Variants in CROCC observed in about 807,000 individuals in gnomAD.
The protein encoded by CROCC is ciliary rootlet coiled-coil, rootletin.
A neutral mutation model predicts 245.2 loss-of-function variants in CROCC; 180 were observed. The ratio of observed to expected loss-of-function variants is 0.73; its 90% CI spans 0.65 to 0.83. The LOEUF is 0.83. Ranked by LOEUF, CROCC falls within the 40% of genes least tolerant of loss-of-function variation. The probability of loss-of-function intolerance (pLI) is 0.00; values close to 1 mark genes in which losing one functional copy is unlikely to be tolerated. For synonymous variants in CROCC, 1,205 were observed against 1,241.6 expected (o/e 0.97, Z 0.62); for missense variants, 2,688 against 2,779.4 (o/e 0.97, Z 0.74).
chr1:16,970,505 T>A, intron 34 of CROCC, 52 bp downstream of exon 34: 1 of 1,502,620 alleles, frequency 6.7e-7, no homozygotes, highest in Non-Finnish European at 8.9e-7. Context: ...CTAACCGTGG[T>A]GGATCCCACT....
Position 16,954,485 on chromosome 1 carries a change from C to CTAAA in CROCC, c.3321+128_3321+129insTAAA. 7.4e-7 allele frequency: 1 copy of CTAAA among 1,352,732 alleles called. No individual in the cohort carries two copies. The highest frequency in any genetic ancestry group is 9.9e-7 in the Non-Finnish European group (1 of 1,007,324). The allele number at this position is 1,352,732 out of a possible 1,614,324, so 83.8% of individuals were successfully genotyped here. On this transcript the variant is annotated intron_variant, in intron 22 of 36. Transcript: ENST00000375541. This position sits in a 1 kb window ranked among gnomAD's most constrained non-coding sequence, Gnocchi z 4.4. Reference sequence around the variant, plus strand: ...CCAGGCTGTGGGAAAGGAGGTTTAGCCCTTCTTTTGGGAGCCCCCATCTGA... The same window carrying CTAAA: ...CCAGGCTGTGGGAAAGGAGGTTTAGCTAAACCTTCTTTTGGGAGCCCCCATCTGA...
At position 16,936,178 on chromosome 1, in the gene CROCC, T is replaced by A. The variant is rs528090070; in HGVS notation, c.957-459T>A. 3.3e-5 allele frequency among the ~76,000 whole-genome samples: 5 copies of A among 152,362 alleles called. No homozygotes were observed. In the East Asian group the frequency reaches 9.6e-4, roughly 29 times the overall value. ...TATGTTTCCCATGCTGGCCTCAAAC[T>A]CCTGGGCTCAAGCAATCCTGCCTCA... On this transcript the variant is annotated intron_variant, in intron 8 of 36. Coordinates refer to ENST00000375541, the MANE Select transcript of CROCC (RefSeq NM_014675.5).
At chr1:16,930,100 T>TCA in intron 4 of CROCC, 24 bp from the exon 5 acceptor site, 1 of 1,580,718 alleles carries the variant, frequency 6.3e-7, no homozygotes, top group South Asian at 1.2e-5. Context: ...CCCCTGGGGC[T>TCA]CACCATCAGC....
chr1:16,949,599 G>C (rs1055024227), intron 19 of CROCC, among the ~76,000 whole-genome samples: 2 of 152,188 alleles, frequency 1.3e-5, no homozygotes, highest in Admixed American at 1.3e-4. Flanking sequence ...ATGTGTAGCT[G>C]TGCAGCTGTG....
rs569001677 is a variant in CROCC, at chr1:16,923,663, T to C, written c.197-662T>C. Among the ~76,000 whole-genome samples the C allele has an allele frequency of 5.0e-3, 745 of 149,726 alleles. 1 individual carries two copies. The highest frequency in any genetic ancestry group is 0.017 in the African/African-American group (710 of 40,920). ...TGCTTTTCTGGGAGGATCTGGTTAC[T>C]ACTATTCTACCTTTTTTTTTTTTTT... On this transcript the variant is annotated intron_variant, in intron 2 of 36. Transcript: ENST00000375541.
intron 8 of CROCC, among the ~76,000 whole-genome samples, chr1:16,935,163 G>A (rs1246263751): frequency 1.3e-5 from 2 of 152,188 alleles, no homozygotes; most frequent in Non-Finnish European, 2.9e-5. Flanking sequence ...GCTTCGCAAA[G>A]TGCTGGGATT....
At chr1:16,914,464 C>G (rs1298088221) in intron 1 of CROCC, among the ~76,000 whole-genome samples, 2 of 152,274 alleles carry the variant, frequency 1.3e-5, no homozygotes, top group African/African-American at 4.8e-5. Context: ...TCGCGACGGC[C>G]TCTGCCCCCC....
At chr1:16,916,605 C>G (rs1181488731) in intron 1 of CROCC, among the ~76,000 whole-genome samples, 2 of 152,270 alleles carry the variant, frequency 1.3e-5, no homozygotes, top group Non-Finnish European at 1.5e-5. Flanking sequence ...CTTCCAGGCT[C>G]AAGCAATCCT....
intron 8 of CROCC, among the ~76,000 whole-genome samples, chr1:16,932,170 A>G (rs1283381643): frequency 1.3e-5 from 2 of 152,260 alleles, no homozygotes. Flanking sequence ...TAGGCTGGGC[A>G]CGGTGGCTCA....
At position 16,938,927 on chromosome 1, in the gene CROCC, G is replaced by C. The variant is rs1243702488; in HGVS notation, c.1393G>C (p.Glu465Gln). 1.2e-6 allele frequency: 2 copies of C among 1,603,032 alleles called. No homozygotes were observed. The highest frequency in any genetic ancestry group is 1.7e-6 in the Non-Finnish European group (2 of 1,177,084). ...DLAQAVLSDS[E>Q]SGVQLSGSER... is the part of the protein sequence containing the mutation. Reference sequence around the variant, plus strand: ...CCCTCAGGCCGTCTTGTCAGACTCTGAGAGCGGCGTCCAGCTGAGCGGCTC... The same window carrying C: ...CCCTCAGGCCGTCTTGTCAGACTCTCAGAGCGGCGTCCAGCTGAGCGGCTC... Residue 465 changes from glutamate (E) to glutamine (Q), a missense_variant, in exon 12 of 37, where the codon GAG (glutamate) becomes CAG (glutamine). By Grantham distance (29) the Glu-to-Gln change is conservative. Around this residue, in one of 9 missense-constraint regions of CROCC, gnomAD observed 972 missense variants for 895.3 expected, o/e 1.09. Coordinates refer to ENST00000375541, the MANE Select transcript of CROCC (RefSeq NM_014675.5).
At chr1:16,921,391 G>A (rs1325998399), upstream of CROCC, among the ~76,000 whole-genome samples, 1 of 152,290 alleles carries the variant, frequency 6.6e-6, no homozygotes, top group Non-Finnish European at 1.5e-5. Context: ...CGCAGGTGTT[G>A]CATAAATGCT....
rs576038966 is a variant in CROCC, at chr1:16,958,433, G to C, written c.3865-150G>C. The C allele has an allele frequency of 2.4e-5, 22 of 930,220 alleles. No individual in the cohort carries two copies. The East Asian group carries it at 5.1e-4, about 21-fold the overall frequency. The allele number at this position is 930,220 out of a possible 1,614,324, so 57.6% of individuals were successfully genotyped here. A position where few individuals can be genotyped will look rare whatever the true frequency, so the allele number is the denominator to read the frequency against. ...AAGTGCCTGGCATCGCCCAAGTTCAGTGTGGTTGTGTAGGGGCCGGCTCCC... is the reference window on the plus strand; with the variant it reads ...AAGTGCCTGGCATCGCCCAAGTTCACTGTGGTTGTGTAGGGGCCGGCTCCC... On this transcript the variant is annotated intron_variant, in intron 25 of 36. Coordinates refer to ENST00000375541, the MANE Select transcript of CROCC (RefSeq NM_014675.5).
At chr1:16,967,055 AAAAG>A (rs2076429637) in intron 30 of CROCC, among the ~76,000 whole-genome samples, 1 of 80,770 alleles carries the variant, frequency 1.2e-5, no homozygotes, top group Non-Finnish European at 3.2e-5. Flanking sequence ...TGTAAAAAAG[AAAAG>A]AAAAAAAAAA....
At chr1:16,955,269 G>GC (rs759106514) in intron 23 of CROCC, 43 bp from the exon 24 acceptor site, 15 of 1,584,314 alleles carry the variant, frequency 9.5e-6, no homozygotes, top group Middle Eastern at 1.7e-4. Context: ...CTTGACGGGG[G>GC]GGTCCCTGAC....
chr1:16,932,798 G>A (rs537976532), intron 8 of CROCC, among the ~76,000 whole-genome samples: 109 of 152,370 alleles, frequency 7.2e-4, no homozygotes, highest in African/African-American at 2.1e-3. Flanking sequence ...GGGAGGCTGC[G>A]GAGAGAGCCC....
At chr1:16,934,187 T>C (rs1183391525) in intron 8 of CROCC, among the ~76,000 whole-genome samples, 1 of 152,266 alleles carries the variant, frequency 6.6e-6, no homozygotes, top group African/African-American at 2.4e-5. Context: ...ATTTAGTCAC[T>C]CCTGTGTATA....
rs1349054544 is a variant in CROCC at position 16,954,409 on chromosome 1, G to A, written c.3321+52G>A. 6.4e-7 allele frequency: 1 copy of A among 1,573,090 alleles called. No individual in the cohort carries two copies. Among genetic ancestry groups the A allele is most frequent in the East Asian group, 2.3e-5 (1 of 44,308 alleles). ...CTGTCTCATAGAGAGGCACATCCCT[G>A]GCTGAGGAGCCCCCACCACGGGGCG... is the stretch of plus-strand genomic sequence containing the variant. On this transcript the variant is annotated intron_variant, in intron 22 of 36. Coordinates refer to ENST00000375541, the MANE Select transcript of CROCC (RefSeq NM_014675.5). The surrounding 1 kb of genome is among the most constrained non-coding windows in gnomAD (Gnocchi z 4.4).
In CROCC at chr1:16,930,324, C is replaced by G. The variant is rs2075641412; in HGVS notation, c.660C>G (p.Ile220Met). Residue 220 changes from isoleucine to methionine, a missense_variant, in exon 6 of 37, where the codon ATC becomes ATG. Around this residue, in one of 9 missense-constraint regions of CROCC, gnomAD observed 972 missense variants for 895.3 expected, o/e 1.09. Transcript: ENST00000375541. ...GCCAAGACCTGGAAAGCGCCCTCAT[C>G]CGGCTGGAGGAGGAGCAGCAGAGGT... Reference protein sequence around the residue: ...EHSQDLESALIRLEEEQQRSA... With the variant: ...EHSQDLESALMRLEEEQQRSA... 3 of 1,609,466 alleles carry G rather than the reference C, an allele frequency of 1.9e-6. No individual in the cohort carries two copies. Among genetic ancestry groups the G allele is most frequent in the Non-Finnish European group, 2.5e-6 (3 of 1,178,740 alleles).
At chr1:16,968,072 A>T in intron 30 of CROCC, 131 bp from the exon 31 acceptor site, 1 of 855,138 alleles carries the variant, frequency 1.2e-6, no homozygotes, top group Non-Finnish European at 1.9e-6. Context: ...AGAGGGTCCC[A>T]GGCCGGCCCC....
Sources: gnomAD v4.1 joint callset for allele counts (sites outside exome capture counted in the v4.1 genomes callset) on GRCh38, gnomAD v4.1.1 for gene constraint, gnomAD v4.1.1 regional missense constraint, Gnocchi (gnomAD v3.1) non-coding constraint, MANE v1.5 for transcripts, NCBI Gene and HGNC (gene_info 2026-07-23, HGNC 2026-07-21) for gene names.